Variants in EYA1 observed in about 807,000 individuals in gnomAD.
The protein encoded by EYA1 is EYA transcriptional coactivator and phosphatase 1, also known as protein phosphatase EYA1.
A neutral mutation model predicts 82.0 loss-of-function variants in EYA1; 16 were observed. The observed-to-expected ratio is 0.20, with a 90% CI of 0.13 to 0.30. The LOEUF (loss-of-function observed/expected upper bound fraction) is 0.30. Among genes scored for constraint, EYA1 ranks in the 10% least tolerant of loss-of-function variants. The probability of loss-of-function intolerance (pLI) is 1.00; values close to 1 mark genes in which losing one functional copy is unlikely to be tolerated. For synonymous variants in EYA1, 261 were observed against 264.4 expected (o/e 0.99, Z 0.12); for missense variants, 633 against 730.7 (o/e 0.87, Z 1.54).
At chr8:71,483,492 A>AT (rs1364407673) in intron 2 of EYA1, among the ~76,000 whole-genome samples, 1 of 151,858 alleles carries the variant, frequency 6.6e-6, no homozygotes, top group Admixed American at 6.6e-5. Context: ...AAGTTTAACA[A>AT]TTTTTTAACA....
At chr8:71,243,068 G>A (rs1343991708) in intron 12 of EYA1, among the ~76,000 whole-genome samples, 1 of 152,094 alleles carries the variant, frequency 6.6e-6, no homozygotes, top group African/African-American at 2.4e-5. Context: ...ATGAGCCACT[G>A]CGCCCAGCCA....
intron 9 of EYA1, among the ~76,000 whole-genome samples, chr8:71,296,063 A>AT (rs1249079215): frequency 3.3e-5 from 5 of 152,150 alleles, no homozygotes; most frequent in Admixed American, 6.5e-5. Flanking sequence ...GATTATGTGA[A>AT]TTTTTTTAAT....
chr8:71,296,544 G>C (rs1819613770), intron 9 of EYA1, among the ~76,000 whole-genome samples: 1 of 151,256 alleles, frequency 6.6e-6, no homozygotes, highest in Non-Finnish European at 1.5e-5. Context: ...CAGAAACCAG[G>C]TCATACATAA....
intron 2 of EYA1, among the ~76,000 whole-genome samples, chr8:71,473,877 G>T (rs888599457): frequency 2.6e-5 from 4 of 152,056 alleles, no homozygotes; most frequent in African/African-American, 4.8e-5. Context: ...GCCATAAAAA[G>T]GATGAGTTCA....
chr8:71,445,802 C>T, intron 2 of EYA1, among the ~76,000 whole-genome samples: 1 of 152,210 alleles, frequency 6.6e-6, no homozygotes. Flanking sequence ...CCACGCCCAC[C>T]TCGGCCTCCC....
At chr8:71,461,271 A>AGG (rs140578909) in intron 2 of EYA1, among the ~76,000 whole-genome samples, 1 of 152,092 alleles carries the variant, frequency 6.6e-6, no homozygotes, top group African/African-American at 2.4e-5. Context: ...GCTACTGGCA[A>AGG]GGGGGAGTCA....
chr8:71,227,622 C>T (rs1460164139), intron 12 of EYA1, among the ~76,000 whole-genome samples: 1 of 152,096 alleles, frequency 6.6e-6, no homozygotes, highest in Non-Finnish European at 1.5e-5. Flanking sequence ...ATTTGTTTCG[C>T]TCATATAAAA....
At chr8:71,486,862 C>T (rs149731804) in intron 2 of EYA1, among the ~76,000 whole-genome samples, 4 of 151,828 alleles carry the variant, frequency 2.6e-5, no homozygotes, top group Middle Eastern at 3.4e-3. Flanking sequence ...GGTAGGTTGC[C>T]TCAGTTTCTA....
At chr8:71,250,394 G>A (rs1449477594) in intron 11 of EYA1, among the ~76,000 whole-genome samples, 5 of 152,088 alleles carry the variant, frequency 3.3e-5, no homozygotes, top group Non-Finnish European at 7.4e-5. Context: ...AGCGCTCCCC[G>A]CTGGGCCCCT....
rs1586809842 is a variant in EYA1, at chr8:71,484,904, T to C, written c.33+50840A>G. On this transcript the variant is annotated intron_variant, in intron 2 of 18. Transcript: ENST00000643681. ...GACCTGGAGGGTAGGGAACAGCTGC[T>C]GTTGGGAGCCACGCCTGTGAAATTC... Among the ~76,000 whole-genome samples the C allele has an allele frequency of 3.3e-5, 5 of 152,320 alleles. No homozygotes were observed. The East Asian group carries it at 9.7e-4, about 29-fold the overall frequency.
At chr8:71,262,654 C>T (rs1815272710) in intron 11 of EYA1, among the ~76,000 whole-genome samples, 1 of 152,174 alleles carries the variant, frequency 6.6e-6, no homozygotes, top group Non-Finnish European at 1.5e-5. Flanking sequence ...CTTTTATATT[C>T]ATGAACAAGA....
At position 71,426,301 on chromosome 8, in the gene EYA1, C is replaced by T. The variant is rs73687715; in HGVS notation, c.34-69790G>A. 5.7e-3 allele frequency among the ~76,000 whole-genome samples: 863 copies of T among 152,250 alleles called. 13 individuals carry two copies. Among genetic ancestry groups the T allele is most frequent in the African/African-American group, 0.02 (817 of 41,544 alleles). On this transcript the variant is annotated intron_variant, in intron 2 of 18. Transcript: ENST00000643681. ...AGAATTATCGTTTCCATGTGAAGTA[C>T]CCTGGAATTGTAAGAGCCAAACAAG...
intron 2 of EYA1, among the ~76,000 whole-genome samples, chr8:71,442,008 T>C (rs1806469497): frequency 6.6e-6 from 1 of 152,220 alleles, no homozygotes; most frequent in African/African-American, 2.4e-5. Context: ...CCAATCTGCC[T>C]GCACCTTGAT....
chr8:71,385,143 TCC>T (rs1183535286), intron 2 of EYA1, among the ~76,000 whole-genome samples: 1 of 152,014 alleles, frequency 6.6e-6, no homozygotes, highest in Non-Finnish European at 1.5e-5. Flanking sequence ...CTGAGTAGAA[TCC>T]CAAAAACTTT....
At chr8:71,528,003 C>A (rs530135860) in intron 2 of EYA1, among the ~76,000 whole-genome samples, 1 of 151,930 alleles carries the variant, frequency 6.6e-6, no homozygotes, top group Non-Finnish European at 1.5e-5. Flanking sequence ...CCACCCCTCA[C>A]ACATAAAAAA....
intron 2 of EYA1, among the ~76,000 whole-genome samples, chr8:71,379,670 A>G (rs1273384446): frequency 4.6e-5 from 7 of 152,162 alleles, no homozygotes; most frequent in African/African-American, 1.2e-4. Context: ...CCAAAACTCA[A>G]TCTGCCCTCA....
At chr8:71,247,012 C>A (rs1295217305) in intron 11 of EYA1, among the ~76,000 whole-genome samples, 2 of 151,760 alleles carry the variant, frequency 1.3e-5, no homozygotes, top group East Asian at 1.9e-4. Context: ...TACCCACATC[C>A]CTCCAGCACC....
chr8:71,305,483 A>C lies in EYA1; in HGVS notation c.557-5763T>G, dbSNP rs1469416335. ...ATATAACTATTGGCCAATATGGTGA[A>C]ACTCTGTCTCTACTAAAAATACAAA... On this transcript the variant is annotated intron_variant, in intron 7 of 17. Coordinates refer to ENST00000340726, the MANE Select transcript of EYA1 (RefSeq NM_000503.6). Among the ~76,000 whole-genome samples, 2 of 143,072 alleles carry C rather than the reference A, an allele frequency of 1.4e-5. 1 individual carries two copies. The highest frequency in any genetic ancestry group is 3.2e-5 in the Non-Finnish European group (2 of 63,044). The allele number at this position is 143,072 out of a possible 152,430, so 93.9% of individuals were successfully genotyped here.
intron 1 of EYA1, among the ~76,000 whole-genome samples, chr8:71,546,887 A>G (rs1295758627): frequency 6.6e-6 from 1 of 152,128 alleles, no homozygotes; most frequent in African/African-American, 2.4e-5. Context: ...AGAAGCCTTC[A>G]CTTTTATGAG....
Sources: allele counts gnomAD v4.1 joint callset (sites outside exome capture counted in the v4.1 genomes callset), GRCh38; gene constraint gnomAD v4.1.1; transcripts MANE v1.5; gene names NCBI Gene and HGNC (gene_info 2026-07-23, HGNC 2026-07-21).